Variants in DCDC1 observed in about 807,000 individuals in gnomAD.
The protein encoded by DCDC1 is doublecortin domain-containing protein 1.
In DCDC1, 200 loss-of-function variants were observed where a neutral mutation model predicts 178.3. That is an observed-to-expected ratio of 1.12 (90% CI 1.00 to 1.26). DCDC1 has a LOEUF of 1.26. DCDC1 is among the 50% of genes most tolerant of loss of function. The pLI, the probability that DCDC1 is intolerant of heterozygous loss-of-function variation, is 0.00. For missense variants in DCDC1, 1,983 were observed against 1,749.2 expected, an observed-to-expected ratio of 1.13 and a Z score of -2.38; for synonymous variants, 690 against 604.8, an observed-to-expected ratio of 1.14 and a Z score of -2.07.
chr11:31,227,618 T>C (rs1039638081), intron 9 of DCDC1, among the ~76,000 whole-genome samples: 7 of 151,824 alleles, frequency 4.6e-5, no homozygotes, highest in Admixed American at 3.9e-4. Context: ...ATGAGACAAA[T>C]AAAACACAAA....
chr11:31,368,642 C>T (rs1215914713), intron 1 of DCDC1, among the ~76,000 whole-genome samples: 2 of 152,168 alleles, frequency 1.3e-5, no homozygotes, highest in Non-Finnish European at 2.9e-5. Context: ...TTCATAACAT[C>T]ATTAAATAAC....
chr11:31,081,588 C>A (rs796952228), intron 17 of DCDC1, among the ~76,000 whole-genome samples: 5 of 150,434 alleles, frequency 3.3e-5, no homozygotes, highest in African/African-American at 1.2e-4. Context: ...GCAGCCTGGG[C>A]AACAAGAGTG....
chr11:31,326,192 A>C (rs1949634032), intron 3 of DCDC1, among the ~76,000 whole-genome samples: 1 of 152,158 alleles, frequency 6.6e-6, no homozygotes, highest in Non-Finnish European at 1.5e-5. Context: ...GAAACAAAAG[A>C]AGCACATTGA....
intron 9 of DCDC1, among the ~76,000 whole-genome samples, chr11:31,173,560 A>G (rs960426223): frequency 2.0e-5 from 3 of 152,192 alleles, no homozygotes; most frequent in Non-Finnish European, 4.4e-5. Flanking sequence ...CAATTGGAGA[A>G]TGATAGACCA....
At chr11:31,028,099 ATAT>A (rs146975858) in intron 20 of DCDC1, among the ~76,000 whole-genome samples, 191 of 152,042 alleles carry the variant, frequency 1.3e-3, no homozygotes, top group South Asian at 9.7e-3. Context: ...GTAAAACAAA[ATAT>A]TATCTGATTT....
At chr11:31,204,000 C>G in intron 9 of DCDC1, among the ~76,000 whole-genome samples, 1 of 152,192 alleles carries the variant, frequency 6.6e-6, no homozygotes, top group East Asian at 1.9e-4. Flanking sequence ...TCTCATATAA[C>G]ATTAATAAGC....
intron 18 of DCDC1, among the ~76,000 whole-genome samples, chr11:31,072,280 T>C (rs1331052590): frequency 6.6e-6 from 1 of 152,178 alleles, no homozygotes; most frequent in Admixed American, 6.5e-5. Flanking sequence ...TGCCCATTTT[T>C]GTATTGAAGT....
intron 9 of DCDC1, among the ~76,000 whole-genome samples, chr11:31,176,419 A>G (rs901630421): frequency 3.3e-5 from 5 of 152,222 alleles, no homozygotes; most frequent in Non-Finnish European, 7.3e-5. Flanking sequence ...AAACAAAGAA[A>G]TATTCACATT....
chr11:30,968,311 T>C lies in DCDC1; in HGVS notation c.2592-15743A>G, dbSNP rs527734314. On this transcript the variant is annotated intron_variant, in intron 20 of 38. Transcript: ENST00000684477. ...AGGATTCAGAACAGTGTCTAGCCCA[T>C]AGGACACATTCTGCTATTTACTCAA... Among the ~76,000 whole-genome samples, 143 of 152,214 alleles carry C rather than the reference T, an allele frequency of 9.4e-4. 1 individual carries two copies. Among genetic ancestry groups the C allele is most frequent in the Middle Eastern group, 3.4e-3 (1 of 294 alleles).
At chr11:31,137,114 T>G (rs939054272) in intron 10 of DCDC1, among the ~76,000 whole-genome samples, 2 of 152,188 alleles carry the variant, frequency 1.3e-5, no homozygotes, top group African/African-American at 2.4e-5. Flanking sequence ...AAATTGCATG[T>G]AACAATTTAC....
intron 15 of DCDC1, among the ~76,000 whole-genome samples, chr11:31,094,984 C>G (rs1379293931): frequency 6.6e-6 from 1 of 152,092 alleles, no homozygotes; most frequent in African/African-American, 2.4e-5. Context: ...TGATGTTCCC[C>G]TCCCTGTGTC....
intron 1 of DCDC1, among the ~76,000 whole-genome samples, chr11:31,341,080 G>A (rs565607605): frequency 9.2e-5 from 14 of 152,248 alleles, no homozygotes; most frequent in South Asian, 4.1e-4. Context: ...GGTGGACTTT[G>A]CCTTTCCACA....
intron 20 of DCDC1, among the ~76,000 whole-genome samples, chr11:30,953,848 T>C (rs1480835590): frequency 6.6e-6 from 1 of 151,808 alleles, no homozygotes; most frequent in Non-Finnish European, 1.5e-5. Flanking sequence ...AATATGTCTT[T>C]GAAATAAAAA....
At chr11:31,220,129 T>C (rs1175919050) in intron 9 of DCDC1, among the ~76,000 whole-genome samples, 3 of 152,186 alleles carry the variant, frequency 2.0e-5, no homozygotes, top group Non-Finnish European at 4.4e-5. Context: ...AAATCACCAG[T>C]GAAGATAATT....
intron 9 of DCDC1, chr11:31,155,845 G>A (rs554111625): frequency 1.3e-5 from 2 of 152,296 alleles, no homozygotes; most frequent in East Asian, 1.9e-4. Flanking sequence ...GAGTCACCTC[G>A]TCCACAATAT....
chr11:31,297,500 C>G (rs568875217), intron 6 of DCDC1, among the ~76,000 whole-genome samples: 7 of 152,122 alleles, frequency 4.6e-5, no homozygotes, highest in Admixed American at 1.3e-4. Flanking sequence ...CGCGCACTAC[C>G]GTGCCTGGCT....
intron 23 of DCDC1, among the ~76,000 whole-genome samples, chr11:30,924,795 G>A (rs571560502): frequency 1.3e-5 from 2 of 152,164 alleles, no homozygotes; most frequent in South Asian, 2.1e-4. Flanking sequence ...TAATTCGGCC[G>A]GGCGCGGTGG....
chr11:31,000,224 A>C (rs1250694110), intron 20 of DCDC1, among the ~76,000 whole-genome samples: 1 of 152,228 alleles, frequency 6.6e-6, no homozygotes, highest in Non-Finnish European at 1.5e-5. Flanking sequence ...CAAGCGTCAC[A>C]ATGCCCTATA....
At chr11:31,101,416 T>C (rs992725331) in intron 15 of DCDC1, among the ~76,000 whole-genome samples, 1 of 152,116 alleles carries the variant, frequency 6.6e-6, no homozygotes, top group African/African-American at 2.4e-5. Context: ...TAAGTGTAAA[T>C]TGATATGGAC....
Sources: allele counts gnomAD v4.1 joint callset (sites outside exome capture counted in the v4.1 genomes callset), GRCh38; gene constraint gnomAD v4.1.1; transcripts MANE v1.5; gene names NCBI Gene and HGNC (gene_info 2026-07-23, HGNC 2026-07-21).